Variants in PNPLA5 observed in about 807,000 individuals in gnomAD.
The protein encoded by PNPLA5 is patatin like domain 5, triacylglycerol lipase.
A neutral mutation model predicts 49.1 loss-of-function variants in PNPLA5; 44 were observed. That is an observed-to-expected ratio of 0.90 (90% CI 0.70 to 1.15). The LOEUF (loss-of-function observed/expected upper bound fraction) is 1.15. Ranked by LOEUF, PNPLA5 falls within the 50% of genes most tolerant of loss-of-function variation. The pLI is 0.00. For missense variants in PNPLA5, 603 were observed against 564.0 expected (o/e 1.07, Z -0.70); for synonymous variants, 243 against 244.4 (o/e 0.99, Z 0.06).
intron 6 of PNPLA5, among the ~76,000 whole-genome samples, chr22:43,886,088 G>T (rs1429113431): frequency 3.3e-5 from 5 of 152,226 alleles, no homozygotes; most frequent in Non-Finnish European, 5.9e-5. Context: ...CATCAGTGAA[G>T]TGGGTACGAA....
chr22:43,891,540 C>T, intron 1 of PNPLA5, 148 bp downstream of exon 1: 1 of 1,271,070 alleles, frequency 7.9e-7, no homozygotes, highest in Non-Finnish European at 1.1e-6. Flanking sequence ...CACCTAGTCC[C>T]CAGCACTCGG....
At position 43,884,358 on chromosome 22, in the gene PNPLA5, C is replaced by A. The variant is rs372974629; in HGVS notation, c.950-13G>T. The A allele has an allele frequency of 1.3e-6, 2 of 1,544,480 alleles. No individual in the cohort carries two copies. Among genetic ancestry groups the A allele is most frequent in the Non-Finnish European group, 1.7e-6 (2 of 1,143,152 alleles). On this transcript the variant is annotated splice_polypyrimidine_tract_variant and intron_variant, in intron 6 of 8. Coordinates refer to ENST00000216177, the MANE Select transcript of PNPLA5 (RefSeq NM_138814.4). ...GCTTTCTTCAGTGCTGCAAGAGAAG[C>A]CCTGGCATGGCCCTGCCCACCTGAA...
Position 43,887,501 on chromosome 22 carries a change from A to G in PNPLA5, c.763+90T>C, listed in dbSNP as rs538775235. On this transcript the variant is annotated intron_variant, in intron 5 of 8. Transcript: ENST00000216177. ...GATGAGGAAGAGACTGAGTTAGCCC[A>G]TGTCCCTAGCAGCTCAAAGGCCCAA... The G allele has an allele frequency of 4.9e-5, 71 of 1,452,964 alleles. No homozygotes were observed. In the African/African-American group the frequency reaches 9.7e-4, roughly 20 times the overall value. 90.0% of individuals were successfully genotyped at this position (1,452,964 alleles called of 1,614,324 possible).
Position 43,880,442 on chromosome 22 carries a change from T to A in PNPLA5, c.*353A>T. The A allele has an allele frequency of 2.5e-6, 1 of 398,670 alleles. No homozygotes were observed. The highest frequency in any genetic ancestry group is 4.4e-6 in the Non-Finnish European group (1 of 226,130). The allele number at this position is 398,670 out of a possible 1,614,324, so 24.7% of individuals were successfully genotyped here. A position where few individuals can be genotyped will look rare whatever the true frequency, so the allele number is the denominator to read the frequency against. ...ACGCGGGCATCAGGCACTTTCTCAA[T>A]CTTCTGTGAGGTGCTCCGTGGGCAG... is the stretch of plus-strand genomic sequence containing the variant. On this transcript the variant is annotated 3_prime_UTR_variant, in exon 9 of 9. Transcript: ENST00000216177.
chr22:43,891,855 C>A lies in PNPLA5; in HGVS notation c.26G>T (p.Arg9Ile). The part of the protein sequence containing the change: MGFLEEEG[R>I]WNLSFSGAGY... ...GGCGCCGGAGAAGGACAGGTTCCAT[C>A]TGCCCTCCTCCTCTAAGAAGCCCAT... is the stretch of plus-strand genomic sequence containing the variant. The change falls in exon 1 of 9, where the codon AGA becomes ATA. Residue 9 changes from arginine to isoleucine, a missense_variant. Physicochemically the swap from Arg to Ile is moderately conservative, Grantham distance 97 (BLOSUM62 -3). Transcript: ENST00000216177. The A allele has an allele frequency of 6.6e-7, 1 of 1,520,190 alleles. No homozygotes were observed. The highest frequency in any genetic ancestry group is 8.8e-7 in the Non-Finnish European group (1 of 1,139,358). 94.2% of individuals were successfully genotyped at this position (1,520,190 alleles called of 1,614,324 possible). A position where few individuals can be genotyped will look rare whatever the true frequency, so the allele number is the denominator to read the frequency against.
chr22:43,883,893 C>A (rs549284360), intron 7 of PNPLA5, among the ~76,000 whole-genome samples: 10 of 152,226 alleles, frequency 6.6e-5, no homozygotes, highest in East Asian at 3.9e-4. Flanking sequence ...TCAGACCCAG[C>A]CACACAGCCA....
chr22:43,880,787 CG>C lies in PNPLA5; in HGVS notation c.*7del, dbSNP rs1328977084. 3.0e-6 allele frequency: 4 copies of C among 1,326,612 alleles called. No homozygotes were observed. Among genetic ancestry groups the C allele is most frequent in the Non-Finnish European group, 2.9e-6 (3 of 1,032,752 alleles). The allele number at this position is 1,326,612 out of a possible 1,614,324, so 82.2% of individuals were successfully genotyped here. A position where few individuals can be genotyped will look rare whatever the true frequency, so the allele number is the denominator to read the frequency against. ...CACCAGTCACTGGGCTGGCCCTGCT[CG>C]GCCCCCTCAGGCCTGGTGGGTGGGC... On this transcript the variant is annotated 3_prime_UTR_variant, in exon 9 of 9. Coordinates refer to ENST00000216177, the MANE Select transcript of PNPLA5 (RefSeq NM_138814.4).
chr22:43,891,024 G>A (rs945705731), intron 2 of PNPLA5, 38 bp downstream of exon 2: 2 of 1,581,498 alleles, frequency 1.3e-6, no homozygotes, highest in African/African-American at 1.3e-5. Context: ...GATGGAGCCC[G>A]CCCACCAGCC....
At chr22:43,884,526 G>T in intron 6 of PNPLA5, 181 bp from the exon 7 acceptor site, 2 of 521,818 alleles carry the variant, frequency 3.8e-6, no homozygotes, top group Non-Finnish European at 4.9e-6. Context: ...TTGTCCGTGA[G>T]ACAAGGGGTG....
intron 7 of PNPLA5, among the ~76,000 whole-genome samples, chr22:43,883,580 CG>C (rs2049631747): frequency 6.6e-6 from 1 of 152,124 alleles, no homozygotes; most frequent in Admixed American, 6.5e-5. Flanking sequence ...GAGGGCGAGG[CG>C]GGCGGATTGC....
intron 7 of PNPLA5, 107 bp downstream of exon 7, chr22:43,884,106 C>T (rs979883002): frequency 4.2e-6 from 4 of 943,240 alleles, no homozygotes; most frequent in Non-Finnish European, 3.1e-6. Flanking sequence ...GGGCTCCCCC[C>T]ACCCCGCCGA....
At chr22:43,881,477 A>AC in intron 8 of PNPLA5, 81 bp downstream of exon 8, 1 of 1,403,190 alleles carries the variant, frequency 7.1e-7, no homozygotes, top group South Asian at 1.4e-5. Flanking sequence ...TGGCCGGCCT[A>AC]CCCAGGGTCC....
At position 43,891,899 on chromosome 22, in the gene PNPLA5, G is replaced by T; in HGVS notation, c.-19C>A. On this transcript the variant is annotated 5_prime_UTR_variant, in exon 1 of 9. Transcript: ENST00000216177. Reference sequence around the variant, plus strand: ...AGCCCATGGCGGGTGGACCGGGCGGGGTGATCGGGACGAGGAAGGGTCACT... The same window carrying T: ...AGCCCATGGCGGGTGGACCGGGCGGTGTGATCGGGACGAGGAAGGGTCACT... The T allele has an allele frequency of 6.6e-7, 1 of 1,506,598 alleles. No homozygotes were observed. Among genetic ancestry groups the T allele is most frequent in the East Asian group, 2.5e-5 (1 of 39,406 alleles). The allele number at this position is 1,506,598 out of a possible 1,614,324, so 93.3% of individuals were successfully genotyped here.
At chr22:43,891,019 A>G in intron 2 of PNPLA5, 43 bp downstream of exon 2, 1 of 1,578,184 alleles carries the variant, frequency 6.3e-7, no homozygotes, top group African/African-American at 1.3e-5. Context: ...GACTAGATGG[A>G]GCCCGCCCAC....
Position 43,880,460 on chromosome 22 carries a change from G to A in PNPLA5, c.*335C>T, listed in dbSNP as rs953522322. 1.3e-5 allele frequency: 5 copies of A among 398,660 alleles called. No individual in the cohort carries two copies. Among genetic ancestry groups the A allele is most frequent in the South Asian group, 2.5e-4 (2 of 7,862 alleles). 24.7% of individuals were successfully genotyped at this position (398,660 alleles called of 1,614,324 possible). ...TTCTCAATCTTCTGTGAGGTGCTCC[G>A]TGGGCAGCTCCACGGCAGAACAGGA... On this transcript the variant is annotated 3_prime_UTR_variant, in exon 9 of 9. Coordinates refer to ENST00000216177, the MANE Select transcript of PNPLA5 (RefSeq NM_138814.4).
At chr22:43,889,653 G>C in intron 3 of PNPLA5, 115 bp from the exon 4 acceptor site, 1 of 1,522,420 alleles carries the variant, frequency 6.6e-7, no homozygotes, top group Non-Finnish European at 8.8e-7. Context: ...TCCAGCCCAG[G>C]AGGCTGAACG....
Position 43,891,222 on chromosome 22 carries a change from G to A in PNPLA5, c.266C>T (p.Ala89Val). 1 of 1,575,036 alleles carries A rather than the reference G, an allele frequency of 6.3e-7. No individual in the cohort carries two copies. Among genetic ancestry groups the A allele is most frequent in the Non-Finnish European group, 8.6e-7 (1 of 1,157,084 alleles). Residue 89 changes from alanine to valine, a missense_variant, in exon 2 of 9, where the codon GCC (alanine) becomes GTC (valine). Coordinates refer to ENST00000216177, the MANE Select transcript of PNPLA5 (RefSeq NM_138814.4). ...CTTGACGTGCTCGATGGGCGCGTAGGCCGGGTGCAGGATGCTTAGGCTCAG... is the reference window on the plus strand; with the variant it reads ...CTTGACGTGCTCGATGGGCGCGTAGACCGGGTGCAGGATGCTTAGGCTCAG... ...ERLSLSILHP[A>V]YAPIEHVKQQ...
intron 6 of PNPLA5, among the ~76,000 whole-genome samples, chr22:43,885,695 G>T (rs995792279): frequency 1.3e-5 from 2 of 152,140 alleles, no homozygotes; most frequent in African/African-American, 4.8e-5. Context: ...GTACTTTCCT[G>T]TTGTTGCAGT....
intron 6 of PNPLA5, among the ~76,000 whole-genome samples, chr22:43,885,177 C>T (rs183080417): frequency 6.6e-6 from 1 of 152,340 alleles, no homozygotes; most frequent in African/African-American, 2.4e-5. Flanking sequence ...CTCTGGTGCC[C>T]CCGTGTGGCT....
Sources: allele counts gnomAD v4.1 joint callset (sites outside exome capture counted in the v4.1 genomes callset), GRCh38; gene constraint gnomAD v4.1.1; transcripts MANE v1.5; gene names NCBI Gene and HGNC (gene_info 2026-07-23, HGNC 2026-07-21).